The following EHMT1 variants were observed in gnomAD, a reference collection of about 807,000 sequenced individuals.
EHMT1 encodes euchromatic histone lysine methyltransferase 1.
Under a neutral mutation model 147.2 loss-of-function variants are expected in EHMT1, and 15 were observed. The observed-to-expected ratio is 0.10, with a 90% confidence interval of 0.07 to 0.16. The LOEUF (loss-of-function observed/expected upper bound fraction) is 0.16, where lower values mean the gene tolerates loss of function less well. EHMT1 is among the 10% of genes least tolerant of loss of function. The pLI, the probability that EHMT1 is intolerant of heterozygous loss-of-function variation, is 1.00. For synonymous variants in EHMT1, 795 were observed against 709.6 expected (o/e 1.12, Z -1.91); for missense variants, 1,587 against 1,772.4 (o/e 0.90, Z 1.88).
At chr9:137,768,584 C>T (rs1564725554) in intron 10 of EHMT1, among the ~76,000 whole-genome samples, 1 of 89,772 alleles carries the variant, frequency 1.1e-5, no homozygotes, top group Non-Finnish European at 2.0e-5. Flanking sequence ...GAGTCTTGCT[C>T]TGTCGCCCAG....
chr9:137,820,941 G>A (rs754062182), intron 25 of EHMT1, among the ~76,000 whole-genome samples: 1 of 151,946 alleles, frequency 6.6e-6, no homozygotes, highest in Non-Finnish European at 1.5e-5. Context: ...GCCGTGGCGC[G>A]ATCTCAGGTC....
intron 18 of EHMT1, among the ~76,000 whole-genome samples, chr9:137,807,089 G>A (rs1489290159): frequency 6.6e-6 from 1 of 152,142 alleles, no homozygotes; most frequent in Non-Finnish European, 1.5e-5. Context: ...TGGATCTGTG[G>A]ATTTAGGGTT....
rs867169439 is a variant in EHMT1, at chr9:137,775,343, C to T, written c.1791+91C>T. ...TTCCTGTCCTGTGTCCACCTGCTGT[C>T]GGGTGGTCCAGCAGCTGGCCCAGGT... On this transcript the variant is annotated intron_variant, in intron 11 of 26. Transcript: ENST00000460843. The surrounding 1 kb of genome is among the most constrained non-coding windows in gnomAD (Gnocchi z 6.1). 16 of 1,548,398 alleles carry T rather than the reference C, an allele frequency of 1.0e-5. No individual in the cohort carries two copies. Among genetic ancestry groups the T allele is most frequent in the South Asian group, 3.5e-5 (3 of 86,576 alleles).
chr9:137,646,853 C>T (rs1186386183), intron 1 of EHMT1, among the ~76,000 whole-genome samples: 1 of 152,164 alleles, frequency 6.6e-6, no homozygotes, highest in Non-Finnish European at 1.5e-5. Flanking sequence ...ATTCCAGTCC[C>T]TCAGGTTTCC....
intron 17 of EHMT1, 31 bp from the exon 18 acceptor site, chr9:137,800,849 G>A: frequency 6.2e-7 from 1 of 1,605,990 alleles, no homozygotes; most frequent in Non-Finnish European, 8.5e-7. Context: ...GGTCTCTGGA[G>A]CGATGACAGC....
rs184814386 is a variant in EHMT1, at chr9:137,776,691, A to G, written c.1865A>G (p.Asn622Ser). 7.9e-5 allele frequency: 128 copies of G among 1,614,146 alleles called. 1 individual carries two copies. In the Admixed American group the frequency reaches 1.1e-3, roughly 14 times the overall value. ...RFHKDCASRV[N>S]NASYCPHCGE... ...CACAAAGACTGTGCCTCTCGAGTCA[A>G]TAACGCCAGCTATTGTCCCCACTGT... Residue 622 changes from asparagine to serine, a missense_variant, in exon 12 of 27, where the codon AAT becomes AGT. Physicochemically the swap from Asn to Ser is conservative, Grantham distance 46. Transcript: ENST00000460843. The surrounding 1 kb of genome is among the most constrained non-coding windows in gnomAD (Gnocchi z 4.4).
intron 1 of EHMT1, among the ~76,000 whole-genome samples, chr9:137,691,868 C>T (rs1326094795): frequency 6.6e-6 from 1 of 152,164 alleles, no homozygotes; most frequent in Non-Finnish European, 1.5e-5. Flanking sequence ...ATGCGAAGCG[C>T]CCTGTCTCCC....
At chr9:137,727,227 C>T (rs1394337400) in intron 3 of EHMT1, among the ~76,000 whole-genome samples, 2 of 152,146 alleles carry the variant, frequency 1.3e-5, no homozygotes, top group Non-Finnish European at 2.9e-5. Context: ...AGTGATCTTT[C>T]CCCCTTGGCC....
chr9:137,656,929 CAG>C (rs1227915215), intron 1 of EHMT1, among the ~76,000 whole-genome samples: 1 of 151,818 alleles, frequency 6.6e-6, no homozygotes, highest in Non-Finnish European at 1.5e-5. Context: ...TTAGTAGAGA[CAG>C]GGTTTCACCA....
At chr9:137,762,061 A>G (rs1296917896) in intron 9 of EHMT1, among the ~76,000 whole-genome samples, 1 of 152,202 alleles carries the variant, frequency 6.6e-6, no homozygotes, top group Non-Finnish European at 1.5e-5. Flanking sequence ...CTGCCTGACC[A>G]TGGCCCTGCT....
chr9:137,775,295 T>C lies in EHMT1; in HGVS notation c.1791+43T>C. 6.2e-7 allele frequency: 1 copy of C among 1,600,120 alleles called. No individual in the cohort carries two copies. The highest frequency in any genetic ancestry group is 8.5e-7 in the Non-Finnish European group (1 of 1,178,808). Reference sequence around the variant, plus strand: ...CAGCCTCTGAGTCCTCCGCAGGCTTTGCTGTCTGCTCACTGGTGCTGGTTC... The same window carrying C: ...CAGCCTCTGAGTCCTCCGCAGGCTTCGCTGTCTGCTCACTGGTGCTGGTTC... On this transcript the variant is annotated intron_variant, in intron 11 of 26. Transcript: ENST00000460843. This position sits in a 1 kb window ranked among gnomAD's most constrained non-coding sequence, Gnocchi z 6.1.
intron 1 of EHMT1, among the ~76,000 whole-genome samples, chr9:137,631,811 A>G (rs1267606404): frequency 6.6e-6 from 1 of 152,202 alleles, no homozygotes; most frequent in Non-Finnish European, 1.5e-5. Context: ...CCAGGAGGTC[A>G]AGGCTGCAGT....
chr9:137,683,997 A>AT lies in EHMT1; in HGVS notation c.22-26963dup, dbSNP rs551834190. 4.2e-4 allele frequency among the ~76,000 whole-genome samples: 63 copies of AT among 151,540 alleles called. No homozygotes were observed. In the South Asian group the frequency reaches 0.013, roughly 31 times the overall value. ...TATAATATTGCTTTGTATATATTTC[A>AT]TTTTTTTCCTATTAACTGTTTTTTG... On this transcript the variant is annotated intron_variant, in intron 1 of 26. Transcript: ENST00000460843.
chr9:137,730,888 C>T (rs546435812), intron 4 of EHMT1, among the ~76,000 whole-genome samples: 5 of 152,366 alleles, frequency 3.3e-5, no homozygotes, highest in Non-Finnish European at 5.9e-5. Flanking sequence ...ATCTGTTCCC[C>T]TCACCATCAA....
At chr9:137,677,944 C>T (rs1313990689) in intron 1 of EHMT1, among the ~76,000 whole-genome samples, 13 of 151,100 alleles carry the variant, frequency 8.6e-5, no homozygotes, top group African/African-American at 2.4e-4. Context: ...CGGCGGGCGC[C>T]TGTAGTCCCA....
intron 25 of EHMT1, among the ~76,000 whole-genome samples, chr9:137,829,156 G>C (rs1003847099): frequency 3.3e-5 from 5 of 152,192 alleles, no homozygotes; most frequent in Middle Eastern, 3.2e-3. Context: ...CTCCTCACCT[G>C]CGGCAGCACT....
chr9:137,799,003 T>C (rs1953204401), intron 17 of EHMT1, 89 bp downstream of exon 17: 4 of 1,094,518 alleles, frequency 3.7e-6, no homozygotes, highest in Non-Finnish European at 5.5e-6. Flanking sequence ...ACCCCCATTC[T>C]CCATGGCGTC....
At chr9:137,677,278 G>C (rs369376870) in intron 1 of EHMT1, among the ~76,000 whole-genome samples, 2 of 151,898 alleles carry the variant, frequency 1.3e-5, no homozygotes, top group East Asian at 3.9e-4. Context: ...GGATTACAGC[G>C]TGTGGCACCA....
intron 3 of EHMT1, among the ~76,000 whole-genome samples, chr9:137,725,412 G>A (rs772198150): frequency 6.6e-6 from 1 of 152,180 alleles, no homozygotes; most frequent in Non-Finnish European, 1.5e-5. Context: ...AAGGAGGAAG[G>A]AGAGCATTCA....
Sources: gnomAD v4.1 joint callset for allele counts (sites outside exome capture counted in the v4.1 genomes callset) on GRCh38, gnomAD v4.1.1 for gene constraint, Gnocchi (gnomAD v3.1) non-coding constraint, MANE v1.5 for transcripts, NCBI Gene and HGNC (gene_info 2026-07-23, HGNC 2026-07-21) for gene names.